Variants in CYB5R4 observed in about 807,000 individuals in gnomAD.
CYB5R4 encodes N-terminal cytochrome b5 and cytochrome b5 oxidoreductase domain-containing protein.
In CYB5R4, 55 loss-of-function variants were observed where a neutral mutation model predicts 70.2. The ratio of observed to expected loss-of-function variants is 0.78; its 90% CI spans 0.63 to 0.98. CYB5R4 has a LOEUF of 0.98. Among genes scored for constraint, CYB5R4 ranks in the 50% least tolerant of loss-of-function variants. The probability of loss-of-function intolerance (pLI) is 0.00; values close to 1 mark genes in which losing one functional copy is unlikely to be tolerated. For missense variants in CYB5R4, 562 were observed against 612.6 expected (o/e 0.92, Z 0.87); for synonymous variants, 197 against 199.5 (o/e 0.99, Z 0.11).
At chr6:83,947,870 C>T (rs564282181) in intron 14 of CYB5R4, among the ~76,000 whole-genome samples, 8 of 151,976 alleles carry the variant, frequency 5.3e-5, no homozygotes, top group Admixed American at 3.9e-4. Flanking sequence ...AGTCAGGAAA[C>T]AACATGCTGG....
At chr6:83,897,421 G>T (rs1183066455) in intron 3 of CYB5R4, among the ~76,000 whole-genome samples, 1 of 152,206 alleles carries the variant, frequency 6.6e-6, no homozygotes, top group Non-Finnish European at 1.5e-5. Context: ...CCAGTAATGG[G>T]ATGGCTGGGT....
chr6:83,956,246 T>G (rs1328381390), intron 15 of CYB5R4, among the ~76,000 whole-genome samples: 1 of 152,126 alleles, frequency 6.6e-6, no homozygotes. Flanking sequence ...CCTGAGAACA[T>G]GTGCCCAAGG....
At chr6:83,956,279 G>A (rs1001473335) in intron 15 of CYB5R4, among the ~76,000 whole-genome samples, 3 of 152,136 alleles carry the variant, frequency 2.0e-5, no homozygotes, top group Admixed American at 2.0e-4. Context: ...AGCTTGGTTT[G>A]ATACATTTTA....
chr6:83,895,288 C>T (rs1489863814), intron 3 of CYB5R4, among the ~76,000 whole-genome samples: 1 of 152,026 alleles, frequency 6.6e-6, no homozygotes, highest in Admixed American at 6.6e-5. Flanking sequence ...GCCTTAGCCT[C>T]CCGAGTAGCT....
rs2099474095 is a variant in CYB5R4 at position 83,966,502 on chromosome 6, A to C, written c.*6624A>C. On this transcript the variant is annotated 3_prime_UTR_variant, in exon 16 of 16. Coordinates refer to ENST00000369681, the MANE Select transcript of CYB5R4 (RefSeq NM_016230.4). Reference sequence around the variant, plus strand: ...AGGTCGGGAGTTTGAGACCAGCCTGACCAACATGGAGAAACCCTCTCTCTA... The same window carrying C: ...AGGTCGGGAGTTTGAGACCAGCCTGCCCAACATGGAGAAACCCTCTCTCTA... 6.6e-6 allele frequency: 1 copy of C among 152,110 alleles called. No homozygotes were observed. Among genetic ancestry groups the C allele is most frequent in the South Asian group, 2.1e-4 (1 of 4,818 alleles). 9.4% of individuals were successfully genotyped at this position (152,110 alleles called of 1,614,324 possible). A position where few individuals can be genotyped will look rare whatever the true frequency, so the allele number is the denominator to read the frequency against.
At chr6:83,894,124 T>C (rs2099461523) in intron 3 of CYB5R4, among the ~76,000 whole-genome samples, 1 of 152,214 alleles carries the variant, frequency 6.6e-6, no homozygotes, top group Admixed American at 6.5e-5. Flanking sequence ...TTATTTTTCC[T>C]AGCATGATGG....
chr6:83,937,147 C>T (rs1303407220), intron 12 of CYB5R4, among the ~76,000 whole-genome samples: 1 of 151,890 alleles, frequency 6.6e-6, no homozygotes, highest in Non-Finnish European at 1.5e-5. Context: ...TGATGGCGGG[C>T]GCCTGTAATC....
chr6:83,920,144 TAAAA>T, intron 7 of CYB5R4, among the ~76,000 whole-genome samples: 1 of 152,282 alleles, frequency 6.6e-6, no homozygotes, highest in East Asian at 1.9e-4. Flanking sequence ...GCAGACAATT[TAAAA>T]TATCTCCAAG....
intron 14 of CYB5R4, among the ~76,000 whole-genome samples, chr6:83,949,443 ATCTTGACCC>A (rs2099471181): frequency 1.3e-5 from 2 of 152,184 alleles, no homozygotes; most frequent in Non-Finnish European, 2.9e-5. Context: ...TCTTTACCAT[ATCTTGACCC>A]TCTCTATATC....
chr6:83,952,765 A>T (rs1029776007), intron 14 of CYB5R4, among the ~76,000 whole-genome samples: 1 of 152,110 alleles, frequency 6.6e-6, no homozygotes, highest in African/African-American at 2.4e-5. Context: ...TATGTGAAGT[A>T]AATATTATAT....
intron 10 of CYB5R4, among the ~76,000 whole-genome samples, chr6:83,930,176 C>T (rs1228729272): frequency 1.3e-5 from 2 of 152,086 alleles, no homozygotes; most frequent in African/African-American, 4.8e-5. Flanking sequence ...AGTCTTGCCT[C>T]GATGCTGATG....
intron 14 of CYB5R4, among the ~76,000 whole-genome samples, chr6:83,941,260 A>ATTG (rs1252125148): frequency 6.6e-6 from 1 of 152,216 alleles, no homozygotes; most frequent in Non-Finnish European, 1.5e-5. Flanking sequence ...CAGCCCAGTA[A>ATTG]ACTAAAATAA....
chr6:83,878,460 G>T (rs766766331), intron 2 of CYB5R4, among the ~76,000 whole-genome samples: 2 of 151,862 alleles, frequency 1.3e-5, no homozygotes, highest in Non-Finnish European at 2.9e-5. Context: ...CCATTCTTCT[G>T]CCTCAGCCTC....
intron 2 of CYB5R4, among the ~76,000 whole-genome samples, chr6:83,883,548 CG>C (rs2099459785): frequency 6.6e-6 from 1 of 152,040 alleles, no homozygotes; most frequent in Non-Finnish European, 1.5e-5. Flanking sequence ...ATTCTATACC[CG>C]TAGGGAGACA....
At chr6:83,921,969 C>G (rs926031964) in intron 8 of CYB5R4, among the ~76,000 whole-genome samples, 7 of 152,144 alleles carry the variant, frequency 4.6e-5, no homozygotes, top group African/African-American at 1.7e-4. Flanking sequence ...CACATAGACG[C>G]TCAATAAAAT....
At chr6:83,878,539 G>T (rs1373733938) in intron 2 of CYB5R4, among the ~76,000 whole-genome samples, 1 of 152,040 alleles carries the variant, frequency 6.6e-6, no homozygotes, top group Non-Finnish European at 1.5e-5. Context: ...GTAGAGACGG[G>T]GTTTCACAGT....
chr6:83,942,069 GA>G (rs2099469853), intron 14 of CYB5R4, among the ~76,000 whole-genome samples: 1 of 152,138 alleles, frequency 6.6e-6, no homozygotes, highest in Non-Finnish European at 1.5e-5. Context: ...TCAGACATTT[GA>G]ATTGTGGTTA....
intron 14 of CYB5R4, among the ~76,000 whole-genome samples, chr6:83,948,933 C>T (rs2099471093): frequency 6.6e-6 from 1 of 151,966 alleles, no homozygotes; most frequent in Admixed American, 6.6e-5. Context: ...CAACCTCTGG[C>T]CTGCCTTTAT....
intron 2 of CYB5R4, among the ~76,000 whole-genome samples, chr6:83,873,630 G>A (rs958196976): frequency 2.0e-5 from 3 of 152,152 alleles, no homozygotes; most frequent in African/African-American, 7.2e-5. Context: ...AGAGAAGACA[G>A]GTTTTAAGTT....
Sources: allele counts gnomAD v4.1 joint callset (sites outside exome capture counted in the v4.1 genomes callset), GRCh38; gene constraint gnomAD v4.1.1; transcripts MANE v1.5; gene names NCBI Gene and HGNC (gene_info 2026-07-23, HGNC 2026-07-21).